Variants in FKTN observed in about 807,000 individuals in gnomAD.
FKTN encodes the protein ribitol-5-phosphate transferase FKTN.
A neutral mutation model predicts 58.6 loss-of-function variants in FKTN; 47 were observed. That is an observed-to-expected ratio of 0.80 (90% CI 0.63 to 1.02). The LOEUF (loss-of-function observed/expected upper bound fraction) is 1.02, where lower values mean the gene tolerates loss of function less well. Among genes scored for constraint, FKTN ranks in the 50% least tolerant of loss-of-function variants. The probability of loss-of-function intolerance (pLI) is 0.00; values close to 1 mark genes in which losing one functional copy is unlikely to be tolerated. For synonymous variants in FKTN, 178 were observed against 191.9 expected (o/e 0.93, Z 0.60); for missense variants, 516 against 537.3 (o/e 0.96, Z 0.39).
intron 7 of FKTN, among the ~76,000 whole-genome samples, chr9:105,611,235 G>C (rs1395354342): frequency 6.6e-6 from 1 of 152,076 alleles, no homozygotes; most frequent in African/African-American, 2.4e-5. Flanking sequence ...TTCATTGGCT[G>C]AACAGGAAAA....
At chr9:105,616,980 C>T (rs1988566115) in intron 8 of FKTN, among the ~76,000 whole-genome samples, 1 of 151,794 alleles carries the variant, frequency 6.6e-6, no homozygotes, top group African/African-American at 2.4e-5. Flanking sequence ...TCATCAAAGA[C>T]ACTTCATAGT....
At chr9:105,558,884 A>T (rs1455964699) in intron 1 of FKTN, among the ~76,000 whole-genome samples, 1 of 152,198 alleles carries the variant, frequency 6.6e-6, no homozygotes, top group Non-Finnish European at 1.5e-5. Context: ...CAAATGCAGG[A>T]ATAAGCATTT....
chr9:105,637,259 G>T lies in FKTN; in HGVS notation c.*1995G>T, dbSNP rs1834107836. ...TTGGGACTCCCATTCTTTGCCAGGA[G>T]ATCTTACCCATCCCTTTTCAGATTA... On this transcript the variant is annotated 3_prime_UTR_variant, in exon 11 of 11. Coordinates refer to ENST00000357998, the MANE Select transcript of FKTN (RefSeq NM_001079802.2). 1 of 985,422 alleles carries T rather than the reference G, an allele frequency of 1.0e-6. No homozygotes were observed. Among genetic ancestry groups the T allele is most frequent in the Admixed American group, 6.1e-5 (1 of 16,356 alleles). 61.0% of individuals were successfully genotyped at this position (985,422 alleles called of 1,614,324 possible).
chr9:105,608,054 G>C, intron 7 of FKTN, 103 bp downstream of exon 7: 2 of 928,142 alleles, frequency 2.2e-6, no homozygotes, highest in Middle Eastern at 5.4e-4. Context: ...AAATAGAAAA[G>C]TAAACATCCT....
rs1834317026 is a variant in FKTN at position 105,640,068 on chromosome 9, C to G, written c.*4804C>G. ...AATTGAAAATACTCATTTCTACTTT[C>G]TGCCCTCAAATTTCTGTTTCTATCT... On this transcript the variant is annotated 3_prime_UTR_variant, in exon 11 of 11. Transcript: ENST00000357998. The G allele has an allele frequency of 1.3e-6, 2 of 1,534,420 alleles. No homozygotes were observed. Among genetic ancestry groups the G allele is most frequent in the East Asian group, 4.9e-5 (2 of 40,898 alleles).
intron 1 of FKTN, among the ~76,000 whole-genome samples, chr9:105,565,873 C>T (rs1233614316): frequency 2.6e-5 from 4 of 152,118 alleles, no homozygotes; most frequent in East Asian, 1.9e-4. Context: ...ACCACACTTA[C>T]TCCAAAGTTG....
Position 105,591,526 on chromosome 9 carries a change from C to T in FKTN, c.106-5072C>T, listed in dbSNP as rs538276053. 2.6e-4 allele frequency among the ~76,000 whole-genome samples: 40 copies of T among 152,298 alleles called. No homozygotes were observed. In the South Asian group the frequency reaches 4.3e-3, roughly 17 times the overall value. On this transcript the variant is annotated intron_variant, in intron 3 of 10. Transcript: ENST00000357998. The stretch of plus-strand genomic sequence containing the variant: ...CTCCATGTCTCATGTCCAGGGCACA[C>T]GGGGGTGGGCTCCCAAGGCCTTGGG...
intron 1 of FKTN, among the ~76,000 whole-genome samples, chr9:105,563,294 G>C (rs1838651010): frequency 6.6e-6 from 1 of 152,160 alleles, no homozygotes; most frequent in Non-Finnish European, 1.5e-5. Context: ...GGGATTATCG[G>C]ACAGTGGGTG....
At chr9:105,626,981 C>CTT (rs60710867) in intron 10 of FKTN, among the ~76,000 whole-genome samples, 7 of 128,026 alleles carry the variant, frequency 5.5e-5, no homozygotes, top group African/African-American at 8.9e-5. Context: ...CTTCTTTATT[C>CTT]TTTTTTTTTT....
chr9:105,624,821 T>C (rs935853980), intron 10 of FKTN, among the ~76,000 whole-genome samples: 15 of 152,122 alleles, frequency 9.9e-5, no homozygotes, highest in African/African-American at 3.4e-4. Flanking sequence ...GAGACTTTTA[T>C]ATTTAAGCTT....
At chr9:105,566,090 T>C (rs1023359794) in intron 1 of FKTN, among the ~76,000 whole-genome samples, 1 of 152,214 alleles carries the variant, frequency 6.6e-6, no homozygotes, top group Non-Finnish European at 1.5e-5. Context: ...AAAGATGTGC[T>C]TTGAAACCAA....
chr9:105,604,148 G>C (rs1470973000), intron 5 of FKTN, 67 bp from the exon 6 acceptor site: 1 of 1,503,002 alleles, frequency 6.7e-7, no homozygotes, highest in African/African-American at 1.4e-5. Flanking sequence ...TTTGCTACTA[G>C]TATTTGGCTT....
rs141375034 is a variant in FKTN at position 105,623,790 on chromosome 9, C to T, written c.1172+3729C>T. 3.2e-4 allele frequency among the ~76,000 whole-genome samples: 49 copies of T among 152,188 alleles called. 2 individuals carry two copies. In the East Asian group the frequency reaches 9.5e-3, roughly 29 times the overall value. On this transcript the variant is annotated intron_variant, in intron 10 of 10. Transcript: ENST00000357998. ...GAGACATGTTAAAGTACTCTGATAG[C>T]AGTACTGTAATCAAATATGTATAAT... is the stretch of plus-strand genomic sequence containing the variant.
In FKTN at chr9:105,575,017, T is replaced by G; in HGVS notation, c.-16T>G. On this transcript the variant is annotated 5_prime_UTR_variant, in exon 3 of 11. Coordinates refer to ENST00000357998, the MANE Select transcript of FKTN (RefSeq NM_001079802.2). Reference sequence around the variant, plus strand: ...GAGATACTTTCAAAAGACAACCAAGTGAGCAGCACAGACTAATGAGTAGAA... The same window carrying G: ...GAGATACTTTCAAAAGACAACCAAGGGAGCAGCACAGACTAATGAGTAGAA... The G allele has an allele frequency of 1.5e-6, 2 of 1,366,556 alleles. No individual in the cohort carries two copies. Among genetic ancestry groups the G allele is most frequent in the Non-Finnish European group, 2.1e-6 (2 of 954,744 alleles). 84.7% of individuals were successfully genotyped at this position (1,366,556 alleles called of 1,614,324 possible).
At chr9:105,574,878 GT>G in intron 2 of FKTN, 66 bp from the exon 3 acceptor site, 1 of 639,502 alleles carries the variant, frequency 1.6e-6, no homozygotes, top group Admixed American at 2.6e-5. Flanking sequence ...TTGTTCTATT[GT>G]TGGTTATTAC....
chr9:105,578,179 T>A (rs1477669737), intron 3 of FKTN, among the ~76,000 whole-genome samples: 2 of 150,086 alleles, frequency 1.3e-5, no homozygotes, highest in East Asian at 3.9e-4. Context: ...CCTGCCTAAT[T>A]GCCCTGGCCA....
Position 105,570,694 on chromosome 9 carries a change from A to AT in FKTN, c.-180-2952dup, listed in dbSNP as rs200871080. Among the ~76,000 whole-genome samples, 587 of 150,780 alleles carry AT rather than the reference A, an allele frequency of 3.9e-3. 7 individuals carry two copies. The highest frequency in any genetic ancestry group is 0.013 in the African/African-American group (529 of 41,150). On this transcript the variant is annotated intron_variant, in intron 1 of 10. Coordinates refer to ENST00000357998, the MANE Select transcript of FKTN (RefSeq NM_001079802.2). Reference sequence around the variant, plus strand: ...TGTCATTTTATCTCTAGTGCTTAGCATTTTTTTTTGGCATCTGTGCCCATT... The same window carrying AT: ...TGTCATTTTATCTCTAGTGCTTAGCATTTTTTTTTTGGCATCTGTGCCCATT...
At chr9:105,615,577 T>C (rs1830660565) in intron 8 of FKTN, among the ~76,000 whole-genome samples, 170 bp downstream of exon 8, 1 of 152,156 alleles carries the variant, frequency 6.6e-6, no homozygotes, top group African/African-American at 2.4e-5. Flanking sequence ...AAGAAATTAA[T>C]TTGAGAATTA....
At chr9:105,576,274 G>A (rs561416861) in intron 3 of FKTN, among the ~76,000 whole-genome samples, 57 of 150,894 alleles carry the variant, frequency 3.8e-4, no homozygotes, top group African/African-American at 1.3e-3. Context: ...CCACTAACTC[G>A]TCATCTAGCA....
Sources: gnomAD v4.1 joint callset for allele counts (sites outside exome capture counted in the v4.1 genomes callset) on GRCh38, gnomAD v4.1.1 for gene constraint, MANE v1.5 for transcripts, NCBI Gene and HGNC (gene_info 2026-07-23, HGNC 2026-07-21) for gene names.